Variants in SBF1 observed in about 807,000 individuals in gnomAD.
The protein encoded by SBF1 is SET binding factor 1, also known as myotubularin-related protein 5.
SBF1 carries 65 observed loss-of-function variants against 215.8 expected under a neutral mutation model. The ratio of observed to expected loss-of-function variants is 0.30; its 90% confidence interval spans 0.25 to 0.37. The LOEUF is 0.37. Among genes scored for constraint, SBF1 ranks in the 10% least tolerant of loss-of-function variants. The probability of loss-of-function intolerance (pLI) is 1.00; values close to 1 mark genes in which losing one functional copy is unlikely to be tolerated. For missense variants in SBF1, 2,634 were observed against 2,667.8 expected (o/e 0.99, Z 0.28); for synonymous variants, 1,410 against 1,122.8 (o/e 1.26, Z -5.11).
chr22:50,471,417 G>A (rs1330298807), intron 1 of SBF1, among the ~76,000 whole-genome samples: 1 of 152,214 alleles, frequency 6.6e-6, no homozygotes, highest in African/African-American at 2.4e-5. Flanking sequence ...CTGACGCCTG[G>A]AGGGCTGGCC....
At chr22:50,461,112 A>G in intron 23 of SBF1, 47 bp downstream of exon 23, 1 of 1,544,666 alleles carries the variant, frequency 6.5e-7, no homozygotes, top group East Asian at 2.3e-5. Flanking sequence ...TTGCAGGAGA[A>G]AGACCAGGGC....
intron 1 of SBF1, 63 bp downstream of exon 1, chr22:50,474,723 G>A: frequency 2.3e-6 from 3 of 1,288,548 alleles, no homozygotes; most frequent in Non-Finnish European, 3.1e-6. Context: ...CTCAGACCCA[G>A]CCCCTGGCCC....
chr22:50,473,451 G>A (rs1030141779), intron 1 of SBF1, among the ~76,000 whole-genome samples: 1 of 152,150 alleles, frequency 6.6e-6, no homozygotes, highest in Non-Finnish European at 1.5e-5. Flanking sequence ...AGGACTATGT[G>A]GTCCTAGCAA....
In SBF1 at chr22:50,456,208, G is replaced by A. The variant is rs749714369; in HGVS notation, c.4266+8C>T. The A allele has an allele frequency of 6.2e-7, 1 of 1,611,006 alleles. No individual in the cohort carries two copies. Among genetic ancestry groups the A allele is most frequent in the South Asian group, 1.1e-5 (1 of 90,912 alleles). On this transcript the variant is annotated splice_region_variant and intron_variant, in intron 31 of 40. Coordinates refer to ENST00000380817, the MANE Select transcript of SBF1 (RefSeq NM_002972.4). ...AAGGCGGGCAGAGGGACGGGGCAGTGCAGAGACCTGGATCAGCCACTCTGA... is the reference window on the plus strand; with the variant it reads ...AAGGCGGGCAGAGGGACGGGGCAGTACAGAGACCTGGATCAGCCACTCTGA...
At chr22:50,452,590 G>A (rs2067087104) in intron 36 of SBF1, among the ~76,000 whole-genome samples, 1 of 151,926 alleles carries the variant, frequency 6.6e-6, no homozygotes, top group African/African-American at 2.4e-5. Flanking sequence ...GGGCATGATG[G>A]TGGGTGCCTC....
intron 1 of SBF1, among the ~76,000 whole-genome samples, chr22:50,474,116 G>A (rs1301147594): frequency 1.3e-5 from 2 of 152,230 alleles, no homozygotes; most frequent in African/African-American, 4.8e-5. Flanking sequence ...TCCTGGGCAT[G>A]GGCACCGACC....
Position 50,447,808 on chromosome 22 carries a change from G to A in SBF1, c.5364-199C>T, listed in dbSNP as rs531966700. Among the ~76,000 whole-genome samples, 29 of 152,322 alleles carry A rather than the reference G, an allele frequency of 1.9e-4. No homozygotes were observed. In the South Asian group the frequency reaches 2.7e-3, roughly 14 times the overall value. Reference sequence around the variant, plus strand: ...TGGGGGGCTGCAGGCCCAAGAAGACGACGCCCAGAAAGGAGACAGTGAAGG... The same window carrying A: ...TGGGGGGCTGCAGGCCCAAGAAGACAACGCCCAGAAAGGAGACAGTGAAGG... On this transcript the variant is annotated intron_variant, in intron 38 of 40. Transcript: ENST00000380817.
At chr22:50,461,118 A>G (rs2067490433) in intron 23 of SBF1, 41 bp downstream of exon 23, 1 of 1,552,728 alleles carries the variant, frequency 6.4e-7, no homozygotes, top group South Asian at 1.2e-5. Flanking sequence ...GAGAAAGACC[A>G]GGGCGGGGGA....
Position 50,456,586 on chromosome 22 carries a change from G to A in SBF1, c.3992C>T (p.Ala1331Val), listed in dbSNP as rs1401457622. The A allele has an allele frequency of 2.6e-6, 4 of 1,553,070 alleles. No individual in the cohort carries two copies. Among genetic ancestry groups the A allele is most frequent in the African/African-American group, 2.7e-5 (2 of 73,324 alleles). The change falls in exon 30 of 41, where the codon GCC becomes GTC. Residue 1331 changes from alanine (A) to valine (V), a missense_variant. Coordinates refer to ENST00000380817, the MANE Select transcript of SBF1 (RefSeq NM_002972.4). ...GSRLAGRDAL[A>V]PPQANGGPPD... ...AGGGCCCCCGTTGGCCTGGGGTGGGGCCAGCGCGTCTCTGCCAGCTAGCCG... is the reference window on the plus strand; with the variant it reads ...AGGGCCCCCGTTGGCCTGGGGTGGGACCAGCGCGTCTCTGCCAGCTAGCCG...
In SBF1 at chr22:50,454,927, T is replaced by C; in HGVS notation, c.4699A>G (p.Lys1567Glu). The C allele has an allele frequency of 6.2e-7, 1 of 1,613,906 alleles. No homozygotes were observed. Among genetic ancestry groups the C allele is most frequent in the South Asian group, 1.1e-5 (1 of 91,070 alleles). ...RIELGLLYEE[K>E]GERRGQVPCR... ...GGCACCTGGCCCCTGCGTTCCCCCT[T>C]CTCCTCATACAGCAGCCCTGCACAG... is the stretch of plus-strand genomic sequence containing the variant. The change falls in exon 35 of 41, where the codon AAG (lysine) becomes GAG (glutamate). Residue 1567 changes from lysine to glutamate, a missense_variant. By Grantham distance (56) the Lys-to-Glu change is moderately conservative (BLOSUM62 1). Coordinates refer to ENST00000380817, the MANE Select transcript of SBF1 (RefSeq NM_002972.4).
In SBF1 at chr22:50,461,358, A is replaced by G. The variant is rs1046894701; in HGVS notation, c.2840-72T>C. ...GGGGGTCCCAGAATCTCAGGGTACC[A>G]CAGTTATGGGGAATCCCAAGTGGGT... On this transcript the variant is annotated intron_variant, in intron 22 of 40. Transcript: ENST00000380817. 3.0e-5 allele frequency: 46 copies of G among 1,546,556 alleles called. 1 individual carries two copies. In the South Asian group the frequency reaches 5.2e-4, roughly 18 times the overall value.
chr22:50,464,884 C>T lies in SBF1; in HGVS notation c.1366G>A (p.Asp456Asn), dbSNP rs560523976. 1 of 1,613,722 alleles carries T rather than the reference C, an allele frequency of 6.2e-7. No homozygotes were observed. The highest frequency in any genetic ancestry group is 8.5e-7 in the Non-Finnish European group (1 of 1,180,028). ...VAHEVARMRA[D>N]ENHPQRVLRH... ...AGGACACGCTGGGGGTGGTTCTCAT[C>T]CGCCCGCATCCTTGCCACCTCGTGG... The change falls in exon 13 of 41, where the codon GAT becomes AAT. Residue 456 changes from aspartate to asparagine, a missense_variant. Asp to Asn is a conservative substitution (Grantham distance 23, BLOSUM62 1). Coordinates refer to ENST00000380817, the MANE Select transcript of SBF1 (RefSeq NM_002972.4).
At chr22:50,471,162 G>A (rs888658065) in intron 1 of SBF1, among the ~76,000 whole-genome samples, 23 of 152,154 alleles carry the variant, frequency 1.5e-4, no homozygotes, top group Non-Finnish European at 3.2e-4. Context: ...CGGTGTGCTG[G>A]GTGGCACTGG....
chr22:50,459,999 C>A lies in SBF1; in HGVS notation c.3444G>T (p.Glu1148Asp). ...GGTTGACCGGAGAAATGCGGAAGGG[C>A]TCAGACTTGGCCCGGCTCAGGCTGC... Reference protein sequence around the residue: ...LSSSLSRAKSEPFRISPVNRM... With the variant: ...LSSSLSRAKSDPFRISPVNRM... Residue 1148 changes from glutamate to aspartate, a missense_variant, in exon 26 of 41, where the codon GAG (glutamate) becomes GAT (aspartate). Transcript: ENST00000380817. 2 of 1,613,976 alleles carry A rather than the reference C, an allele frequency of 1.2e-6. No homozygotes were observed. Among genetic ancestry groups the A allele is most frequent in the African/African-American group, 1.3e-5 (1 of 75,066 alleles).
intron 28 of SBF1, 35 bp downstream of exon 28, chr22:50,459,220 C>T (rs1188411911): frequency 1.3e-6 from 2 of 1,575,688 alleles, no homozygotes; most frequent in African/African-American, 1.3e-5. Flanking sequence ...CCCCAAAGTG[C>T]CCCTGCCCCA....
rs763332944 is a variant in SBF1, at chr22:50,465,159, G to A, written c.1204-30C>T. 5 of 1,613,868 alleles carry A rather than the reference G, an allele frequency of 3.1e-6. No homozygotes were observed. The South Asian group carries it at 5.5e-5, about 18-fold the overall frequency. On this transcript the variant is annotated intron_variant, in intron 11 of 40. Transcript: ENST00000380817. ...ATGACAGAAGGAGGTCGGTCCCTCA[G>A]GGGTCTCCACCATGCGCTTATCTCC...
rs769707836 is a variant in SBF1 at position 50,461,542 on chromosome 22, C to A, written c.2820G>T (p.Gly940=). 6.2e-7 allele frequency: 1 copy of A among 1,603,218 alleles called. No homozygotes were observed. The highest frequency in any genetic ancestry group is 8.5e-7 in the Non-Finnish European group (1 of 1,172,706). The change falls in exon 22 of 41, where the codon GGG becomes GGT. Residue 940 remains glycine (G), a synonymous_variant. Transcript: ENST00000380817. ...FLTTYRVIFT[G]MPTDPLVGEQ... is the part of the protein sequence containing the mutation. The stretch of plus-strand genomic sequence containing the variant: ...GCTCACCCAGGGGGTCCGTGGGCAT[C>A]CCCGTGAAGATGACCCGGTACGTGG...
chr22:50,462,795 G>A (rs887709966), intron 17 of SBF1, 75 bp downstream of exon 17: 12 of 1,604,508 alleles, frequency 7.5e-6, no homozygotes. Context: ...CCACCAGGAA[G>A]GGGGGCTGGG....
chr22:50,467,185 C>T lies in SBF1; in HGVS notation c.549+153G>A, dbSNP rs949017338. 6.1e-6 allele frequency: 4 copies of T among 651,254 alleles called. No individual in the cohort carries two copies. In the African/African-American group the frequency reaches 7.3e-5, roughly 12 times the overall value. The allele number at this position is 651,254 out of a possible 1,614,324, so 40.3% of individuals were successfully genotyped here. On this transcript the variant is annotated intron_variant, in intron 5 of 40. Coordinates refer to ENST00000380817, the MANE Select transcript of SBF1 (RefSeq NM_002972.4). ...AGGTGCGAGGGCCAGGTAAGCAGGC[C>T]AGGACTGTTGGGGGCAATGGTGGCA...
Sources: gnomAD v4.1 joint callset for allele counts (sites outside exome capture counted in the v4.1 genomes callset) on GRCh38, gnomAD v4.1.1 for gene constraint, MANE v1.5 for transcripts, NCBI Gene and HGNC (gene_info 2026-07-23, HGNC 2026-07-21) for gene names.